The following PCDHGA3 variants were observed in gnomAD, a reference collection of about 807,000 sequenced individuals.
PCDHGA3 encodes the protein protocadherin gamma subfamily A, 3, also known as protocadherin gamma-A3.
In PCDHGA3, 40 loss-of-function variants were observed where a neutral mutation model predicts 58.5. The observed-to-expected ratio is 0.68, with a 90% CI of 0.53 to 0.89. PCDHGA3 has a LOEUF of 0.89. Ranked by LOEUF, PCDHGA3 falls within the 40% of genes least tolerant of loss-of-function variation. PCDHGA3 has a pLI of 0.00. For missense variants in PCDHGA3, 1,223 were observed against 1,195.9 expected, an observed-to-expected ratio of 1.02 and a Z score of -0.33; for synonymous variants, 530 against 525.7, an observed-to-expected ratio of 1.01 and a Z score of -0.11.
At chr5:141,380,635 G>C (rs746308338) in intron 1 of PCDHGA3, among the ~76,000 whole-genome samples, 17 of 152,190 alleles carry the variant, frequency 1.1e-4, no homozygotes, top group African/African-American at 2.4e-4. Flanking sequence ...TAGAAAATGT[G>C]AATGCTAGAG....
rs748154971 is a variant in PCDHGA3, at chr5:141,345,539, C to A, written c.1506C>A (p.Ser502=). 4.3e-6 allele frequency: 7 copies of A among 1,614,198 alleles called. No individual in the cohort carries two copies. In the South Asian group the frequency reaches 7.7e-5, roughly 18 times the overall value. ...ACACTCTCCAGGGGGCGCCCCTGTC[C>A]TCCTTCGTCTCTATCAACTCCAACA... ...TEDTLQGAPL[S]SFVSINSNTG... Residue 502 remains serine (S), a synonymous_variant, in exon 1 of 4, where the codon TCC becomes TCA. Coordinates refer to ENST00000253812, the MANE Select transcript of PCDHGA3 (RefSeq NM_018916.4).
Position 141,511,502 on chromosome 5 carries a change from A to C in PCDHGA3, c.*329A>C. The C allele has an allele frequency of 2.0e-5, 8 of 395,260 alleles. No individual in the cohort carries two copies. The highest frequency in any genetic ancestry group is 4.1e-5 in the African/African-American group (2 of 48,892). The allele number at this position is 395,260 out of a possible 1,614,324, so 24.5% of individuals were successfully genotyped here. A position where few individuals can be genotyped will look rare whatever the true frequency, so the allele number is the denominator to read the frequency against. ...CTGAACTCCTCCATCTTCCAAATCA[A>C]TCAGGCCCATCCATCCCATGCCTCC... On this transcript the variant is annotated 3_prime_UTR_variant, in exon 4 of 4. Transcript: ENST00000253812.
At chr5:141,385,163 A>G in intron 1 of PCDHGA3, 1 of 1,614,182 alleles carries the variant, frequency 6.2e-7, no homozygotes, top group Admixed American at 1.7e-5. Flanking sequence ...ACCTATTCCC[A>G]TGAGGTCTCC....
intron 1 of PCDHGA3, chr5:141,414,763 C>A: frequency 6.2e-7 from 1 of 1,614,258 alleles, no homozygotes; most frequent in Non-Finnish European, 8.5e-7. Flanking sequence ...TGAGCAGTTT[C>A]ATGAGCTACA....
intron 1 of PCDHGA3, chr5:141,479,209 A>T (rs1314929824): frequency 6.6e-6 from 1 of 152,432 alleles, no homozygotes; most frequent in African/African-American, 2.4e-5. Context: ...AAAAGTATTT[A>T]AAAAATTAAA....
rs2099419063 is a variant in PCDHGA3 at position 141,477,824 on chromosome 5, C to G, written c.2425-16983C>G. On this transcript the variant is annotated intron_variant, in intron 1 of 3. Coordinates refer to ENST00000253812, the MANE Select transcript of PCDHGA3 (RefSeq NM_018916.4). This position sits in a 1 kb window ranked among gnomAD's most constrained non-coding sequence, Gnocchi z 4.9. ...TGACAATGCCCCCCAGGTCCTATAT[C>G]CTCGGCCAGGTGGGAGCTCGGTGGA... is the stretch of plus-strand genomic sequence containing the variant. 5.6e-6 allele frequency: 9 copies of G among 1,614,196 alleles called. No individual in the cohort carries two copies. The highest frequency in any genetic ancestry group is 5.9e-6 in the Non-Finnish European group (7 of 1,180,034).
chr5:141,433,076 C>G, intron 1 of PCDHGA3: 1 of 1,614,188 alleles, frequency 6.2e-7, no homozygotes, highest in Non-Finnish European at 8.5e-7. Context: ...CTTCCCCCAG[C>G]CCAACTATGC....
intron 1 of PCDHGA3, chr5:141,387,654 G>A: frequency 1.6e-6 from 1 of 644,700 alleles, no homozygotes. Context: ...AAAGTGGAGA[G>A]CTTGGCGCTC....
At chr5:141,403,614 G>A (rs772617526) in intron 1 of PCDHGA3, 4 of 1,613,750 alleles carry the variant, frequency 2.5e-6, no homozygotes, top group Non-Finnish European at 3.4e-6. Flanking sequence ...GGCGAGCCGC[G>A]TCGCTCCAGC....
chr5:141,427,440 G>T (rs747459662), intron 1 of PCDHGA3: 3 of 477,366 alleles, frequency 6.3e-6, no homozygotes, highest in South Asian at 3.1e-5. Flanking sequence ...CCTCATAAAC[G>T]AAAGAGTTCC....
At chr5:141,389,118 C>T in intron 1 of PCDHGA3, 1 of 1,614,006 alleles carries the variant, frequency 6.2e-7, no homozygotes, top group Non-Finnish European at 8.5e-7. Context: ...AGACCGCGAG[C>T]AGAATCCAGA....
intron 1 of PCDHGA3, among the ~76,000 whole-genome samples, chr5:141,406,035 T>C (rs989362338): frequency 4.6e-5 from 7 of 151,898 alleles, no homozygotes; most frequent in Non-Finnish European, 1.0e-4. Flanking sequence ...GGTTGCTTCA[T>C]TGGTTGCAGT....
intron 1 of PCDHGA3, chr5:141,356,342 T>G (rs1430844725): frequency 6.4e-7 from 1 of 1,555,016 alleles, no homozygotes; most frequent in Non-Finnish European, 8.7e-7. Flanking sequence ...GGAAATGGCC[T>G]AGTCACATGT....
At position 141,344,075 on chromosome 5, in the gene PCDHGA3, C is replaced by T. The variant is rs1168274705; in HGVS notation, c.42C>T (p.Ala14=). The T allele has an allele frequency of 6.2e-6, 10 of 1,608,968 alleles. No individual in the cohort carries two copies. Among genetic ancestry groups the T allele is most frequent in the Non-Finnish European group, 8.5e-6 (10 of 1,176,766 alleles). ...GTTTCCGAAATGGCAGAGGACTGGC[C>T]CTGCTGTGCGCGCTCCTGGGGACGC... ...CLSFRNGRGL[A]LLCALLGTLC... is the part of the protein sequence containing the mutation. Residue 14 remains alanine (A), a synonymous_variant, in exon 1 of 4, where the codon GCC becomes GCT. Coordinates refer to ENST00000253812, the MANE Select transcript of PCDHGA3 (RefSeq NM_018916.4).
At position 141,345,619 on chromosome 5, in the gene PCDHGA3, A is replaced by G. The variant is rs774615318; in HGVS notation, c.1586A>G (p.Lys529Arg). The change falls in exon 1 of 4, where the codon AAG (lysine) becomes AGG (arginine). Residue 529 changes from lysine (K) to arginine (R), a missense_variant. Around this residue, in one of 3 missense-constraint regions of PCDHGA3, gnomAD observed 791 missense variants for 708.5 expected, o/e 1.12. Transcript: ENST00000253812. ...GACTACGAGCAATTTAGAGACTTAA[A>G]GCTACTGGTGACAGCCAGCGACAGC... Reference protein sequence around the residue: ...SFDYEQFRDLKLLVTASDSGN... With the variant: ...SFDYEQFRDLRLLVTASDSGN... 8.1e-6 allele frequency: 13 copies of G among 1,614,204 alleles called. 1 individual carries two copies. Among genetic ancestry groups the G allele is most frequent in the Non-Finnish European group, 1.1e-5 (13 of 1,180,040 alleles).
chr5:141,374,535 G>C (rs752542327), intron 1 of PCDHGA3: 2 of 1,613,092 alleles, frequency 1.2e-6, no homozygotes, highest in African/African-American at 1.3e-5. Context: ...CCATCCTCTC[G>C]TTTTCCACTA....
Position 141,487,532 on chromosome 5 carries a change from A to T in PCDHGA3, c.2425-7275A>T. 6.2e-7 allele frequency: 1 copy of T among 1,614,158 alleles called. No homozygotes were observed. The highest frequency in any genetic ancestry group is 8.5e-7 in the Non-Finnish European group (1 of 1,180,022). ...ACCCACTCGGAGTGATAGCTTCATG[A>T]TGGTGAAGTCACCCAGTGCACCTAT... is the stretch of plus-strand genomic sequence containing the variant. On this transcript the variant is annotated intron_variant, in intron 1 of 3. Transcript: ENST00000253812. This position sits in a 1 kb window ranked among gnomAD's most constrained non-coding sequence, Gnocchi z 5.0.
intron 1 of PCDHGA3, chr5:141,374,945 A>C (rs779694385): frequency 6.2e-7 from 1 of 1,614,034 alleles, no homozygotes; most frequent in Admixed American, 1.7e-5. Context: ...TACAGAAAAG[A>C]TCTCACAAAT....
intron 1 of PCDHGA3, among the ~76,000 whole-genome samples, chr5:141,463,684 G>C (rs2099066814): frequency 6.6e-6 from 1 of 151,910 alleles, no homozygotes; most frequent in African/African-American, 2.4e-5. Flanking sequence ...ATGACCTCGT[G>C]ATCTGCTCAC....
Sources: gnomAD v4.1 joint callset for allele counts (sites outside exome capture counted in the v4.1 genomes callset) on GRCh38, gnomAD v4.1.1 for gene constraint, gnomAD v4.1.1 regional missense constraint, Gnocchi (gnomAD v3.1) non-coding constraint, MANE v1.5 for transcripts, NCBI Gene and HGNC (gene_info 2026-07-23, HGNC 2026-07-21) for gene names.